The following RTL4 variants were observed in gnomAD, a reference collection of about 807,000 sequenced individuals.
The protein encoded by RTL4 is retrotransposon Gag like 4, also known as retrotransposon Gag-like protein 4.
In RTL4, 4 loss-of-function variants were observed where a neutral mutation model predicts 5.3. The observed-to-expected ratio is 0.75, with a 90% confidence interval of 0.37 to 1.72. The LOEUF (loss-of-function observed/expected upper bound fraction) is 1.72. Among genes scored for constraint, RTL4 ranks in the 40% most tolerant of loss-of-function variants. The pLI is 0.04. For synonymous variants in RTL4, 98 were observed against 87.3 expected, an observed-to-expected ratio of 1.12 and a Z score of -0.68; for missense variants, 260 against 227.1, an observed-to-expected ratio of 1.14 and a Z score of -0.93.
At chrX:112,151,576 G>T in the RTL4 span, among the ~76,000 whole-genome samples, 1 of 111,985 alleles carries the variant, frequency 8.9e-6, no homozygotes, top group African/African-American at 3.2e-5. Flanking sequence ...GAAGTTTAAT[G>T]ATTTCATGTC....
the RTL4 span, among the ~76,000 whole-genome samples, chrX:112,225,645 G>A: frequency 9.0e-6 from 1 of 111,576 alleles, no homozygotes; most frequent in South Asian, 3.7e-4. Flanking sequence ...GTGGAGGCAG[G>A]CTCTTATTAA....
the RTL4 span, among the ~76,000 whole-genome samples, chrX:112,142,257 G>A: frequency 6.2e-5 from 7 of 112,626 alleles, no homozygotes; most frequent in East Asian, 1.7e-3. Flanking sequence ...CCCCATGAGG[G>A]TGAGGAGAGC....
chrX:112,457,088 A>C (rs1432722666), exon 1 of RTL4: 1 of 123,364 alleles, frequency 8.1e-6, no homozygotes, highest in Non-Finnish European at 1.9e-5. Context: ...CAGTAATCAC[A>C]TATTCCCTAG....
the RTL4 span, among the ~76,000 whole-genome samples, chrX:112,224,378 G>A: frequency 9.3e-6 from 1 of 107,465 alleles, no homozygotes; most frequent in Non-Finnish European, 1.9e-5. Flanking sequence ...GTCTTACTCT[G>A]TCACCCAGGC....
At chrX:112,153,564 G>A in the RTL4 span, among the ~76,000 whole-genome samples, 9,141 of 111,472 alleles carry the variant, frequency 0.082, 904 homozygotes, top group African/African-American at 0.28. Context: ...ATGCATCCAC[G>A]ATCCAAACAT....
the RTL4 span, among the ~76,000 whole-genome samples, chrX:112,293,105 C>T: frequency 8.9e-6 from 1 of 112,144 alleles, no homozygotes; most frequent in Non-Finnish European, 1.9e-5. Context: ...TCTTATGATT[C>T]TTGTTTTCTC....
chrX:112,180,319 C>T, the RTL4 span, among the ~76,000 whole-genome samples: 1 of 111,526 alleles, frequency 9.0e-6, no homozygotes. Flanking sequence ...TAAGCCAATA[C>T]TTAGCATGGT....
At chrX:112,135,039 G>A in the RTL4 span, among the ~76,000 whole-genome samples, 11 of 111,961 alleles carry the variant, frequency 9.8e-5, no homozygotes, top group African/African-American at 3.6e-4. Context: ...GTAAAGACAT[G>A]CTCTCCTTTC....
At chrX:112,241,425 G>A in the RTL4 span, among the ~76,000 whole-genome samples, 7 of 111,970 alleles carry the variant, frequency 6.3e-5, no homozygotes, top group Non-Finnish European at 1.3e-4. Context: ...GTTTTGATTT[G>A]CATTTATCTG....
the RTL4 span, among the ~76,000 whole-genome samples, chrX:112,232,842 C>G: frequency 9.0e-6 from 1 of 110,907 alleles, no homozygotes. Flanking sequence ...AAGCTTCATT[C>G]CCCACCCCAA....
downstream of RTL4, among the ~76,000 whole-genome samples, chrX:112,457,487 T>A (rs1281999969): frequency 9.0e-6 from 1 of 111,597 alleles, no homozygotes; most frequent in Non-Finnish European, 1.9e-5. Flanking sequence ...TCTACCTCCA[T>A]CAATTCTATA....
chrX:112,353,653 A>T, the RTL4 span, among the ~76,000 whole-genome samples: 1 of 110,013 alleles, frequency 9.1e-6, no homozygotes, highest in East Asian at 2.9e-4. Context: ...TGGACACAGG[A>T]AGGGGAACAT....
At chrX:112,276,840 A>G in the RTL4 span, among the ~76,000 whole-genome samples, 6,009 of 112,047 alleles carry the variant, frequency 0.054, 382 homozygotes, top group African/African-American at 0.19. Flanking sequence ...TAGTAAAAAA[A>G]ATTAACATTA....
chrX:112,284,286 A>G, the RTL4 span, among the ~76,000 whole-genome samples: 2 of 109,920 alleles, frequency 1.8e-5, no homozygotes, highest in African/African-American at 6.6e-5. Context: ...TTGATGTGAT[A>G]TATGTGAAAA....
the RTL4 span, among the ~76,000 whole-genome samples, chrX:112,110,839 A>G: frequency 3.6e-5 from 4 of 111,843 alleles, no homozygotes; most frequent in African/African-American, 1.3e-4. Flanking sequence ...ATCACCCAGG[A>G]GGAACCATCT....
chrX:112,383,481 T>C, the RTL4 span, among the ~76,000 whole-genome samples: 1 of 112,423 alleles, frequency 8.9e-6, no homozygotes, highest in Non-Finnish European at 1.9e-5. Flanking sequence ...CTTTACCTTG[T>C]AGCTTTAACA....
the RTL4 span, among the ~76,000 whole-genome samples, chrX:112,186,020 A>T: frequency 9.0e-6 from 1 of 111,351 alleles, no homozygotes; most frequent in African/African-American, 3.3e-5. Flanking sequence ...CCATGAGGAT[A>T]TCTGAAACCC....
the RTL4 span, among the ~76,000 whole-genome samples, chrX:112,388,360 A>C: frequency 8.9e-6 from 1 of 112,321 alleles, no homozygotes; most frequent in Non-Finnish European, 1.9e-5. Flanking sequence ...TCATCTACAA[A>C]CAGGGATAGT....
the RTL4 span, among the ~76,000 whole-genome samples, chrX:112,274,274 G>A: frequency 9.0e-6 from 1 of 111,604 alleles, no homozygotes; most frequent in Non-Finnish European, 1.9e-5. Flanking sequence ...TTGGATGTGA[G>A]ATATATTGAG....
Sources: gnomAD v4.1 joint callset for allele counts (sites outside exome capture counted in the v4.1 genomes callset) on GRCh38, gnomAD v4.1.1 for gene constraint, MANE v1.5 for transcripts, NCBI Gene and HGNC (gene_info 2026-07-23, HGNC 2026-07-21) for gene names.